The following AAMP variants were observed in gnomAD, a reference collection of about 807,000 sequenced individuals.
AAMP encodes angio associated migratory cell protein, also known as angio-associated migratory cell protein.
Under a neutral mutation model 51.1 loss-of-function variants are expected in AAMP, and 12 were observed. The ratio of observed to expected loss-of-function variants is 0.23; its 90% confidence interval spans 0.15 to 0.38. The LOEUF is 0.38. Among genes scored for constraint, AAMP ranks in the 10% least tolerant of loss-of-function variants. The pLI is 1.00. For synonymous variants in AAMP, 210 were observed against 218.7 expected (o/e 0.96, Z 0.35); for missense variants, 418 against 557.2 (o/e 0.75, Z 2.52).
At chr2:218,269,890 G>C in intron 1 of AAMP, 76 bp downstream of exon 1, 1 of 1,597,680 alleles carries the variant, frequency 6.3e-7, no homozygotes, top group East Asian at 2.2e-5. Flanking sequence ...GTGTGGAGGG[G>C]AGCGGGGAAA....
At chr2:218,268,694 CTTTTTTTT>C (rs150733595) in intron 2 of AAMP, among the ~76,000 whole-genome samples, 1 of 109,446 alleles carries the variant, frequency 9.1e-6, no homozygotes, top group Non-Finnish European at 1.9e-5. Context: ...TCAAAGATAA[CTTTTTTTT>C]TTTTTTTTTT....
At position 218,265,404 on chromosome 2, in the gene AAMP, A is replaced by G; in HGVS notation, c.1041T>C (p.Ala347=). 8.3e-6 allele frequency: 13 copies of G among 1,562,934 alleles called. No homozygotes were observed. Among genetic ancestry groups the G allele is most frequent in the Non-Finnish European group, 1.1e-5 (13 of 1,152,668 alleles). ...GACACTGATGCCTAAGAGTCTGCGT[A>G]GCCAGGTCATAGATGGCCAAGGTCC... ...LDGTLAIYDL[A]TQTLRHQCQH... is the part of the protein sequence containing the mutation. The change falls in exon 9 of 11, where the codon GCT becomes GCC. Residue 347 remains alanine (A), a synonymous_variant. Transcript: ENST00000248450. This position sits in a 1 kb window ranked among gnomAD's most constrained non-coding sequence, Gnocchi z 6.6.
chr2:218,264,527 C>CGG lies in AAMP; in HGVS notation c.*5_*6insCC, dbSNP rs1559491768. 6.2e-7 allele frequency: 1 copy of CGG among 1,613,812 alleles called. No homozygotes were observed. The highest frequency in any genetic ancestry group is 1.7e-4 in the Middle Eastern group (1 of 6,046). On this transcript the variant is annotated 3_prime_UTR_variant, in exon 11 of 11. Coordinates refer to ENST00000248450, the MANE Select transcript of AAMP (RefSeq NM_001087.5). ...ACACCAGACACACAGGCAGGGGCTG[C>CGG]AGCCATTAACGGTCAGGCCTTTGGA...
Position 218,266,984 on chromosome 2 carries a change from G to T in AAMP, c.397C>A (p.His133Asn). Residue 133 changes from histidine (H) to asparagine (N), a missense_variant and splice_region_variant, in exon 4 of 11, where the codon CAT (histidine) becomes AAT (asparagine). His to Asn is a moderately conservative substitution (Grantham distance 68). Transcript: ENST00000248450. This position sits in a 1 kb window ranked among gnomAD's most constrained non-coding sequence, Gnocchi z 4.7. Reference sequence around the variant, plus strand: ...CCAGCACAAGTCACAGAGTCTTTATGGCCTTCAAAGAAAAGTGGGCAGAAA... The same window carrying T: ...CCAGCACAAGTCACAGAGTCTTTATTGCCTTCAAAGAAAAGTGGGCAGAAA... Reference protein sequence around the residue: ...DGELLFECAGHKDSVTCAGFS... With the variant: ...DGELLFECAGNKDSVTCAGFS... 1.2e-6 allele frequency: 2 copies of T among 1,612,794 alleles called. No homozygotes were observed. The highest frequency in any genetic ancestry group is 1.7e-6 in the Non-Finnish European group (2 of 1,178,892).
Position 218,265,749 on chromosome 2 carries a change from G to C in AAMP, c.880-67C>G. 1 of 1,576,676 alleles carries C rather than the reference G, an allele frequency of 6.3e-7. No homozygotes were observed. Among genetic ancestry groups the C allele is most frequent in the Non-Finnish European group, 8.7e-7 (1 of 1,149,216 alleles). ...TGCTTGATGGAGAGAAAGACGGTGG[G>C]GAGAGGAGACAGTGAAGACCCAGGA... On this transcript the variant is annotated intron_variant, in intron 7 of 10. Coordinates refer to ENST00000248450, the MANE Select transcript of AAMP (RefSeq NM_001087.5). This position sits in a 1 kb window ranked among gnomAD's most constrained non-coding sequence, Gnocchi z 6.6.
chr2:218,266,856 T>A lies in AAMP; in HGVS notation c.525A>T (p.Gly175=), dbSNP rs1349777359. The A allele has an allele frequency of 6.2e-7, 1 of 1,613,962 alleles. No individual in the cohort carries two copies. The highest frequency in any genetic ancestry group is 1.3e-5 in the African/African-American group (1 of 74,896). Residue 175 remains glycine (G), a synonymous_variant, in exon 4 of 11, where the codon GGA becomes GGT. Coordinates refer to ENST00000248450, the MANE Select transcript of AAMP (RefSeq NM_001087.5). This position sits in a 1 kb window ranked among gnomAD's most constrained non-coding sequence, Gnocchi z 4.7. The part of the protein sequence containing the change: ...TKEEVWSFEA[G]DLEWMEWHPR... ...GCTCTGATGATCTTACCTCCAGGTC[T>A]CCCGCTTCAAAGGACCAGACCTCCT...
At position 218,264,484 on chromosome 2, in the gene AAMP, G is replaced by C. The variant is rs1690569766; in HGVS notation, c.*49C>G. On this transcript the variant is annotated 3_prime_UTR_variant, in exon 11 of 11. Coordinates refer to ENST00000248450, the MANE Select transcript of AAMP (RefSeq NM_001087.5). ...GCCTCTGCTGGCAGACAGGGGCAGGGGTCCCTTCGTCCCCTCAACACCAGA... is the reference window on the plus strand; with the variant it reads ...GCCTCTGCTGGCAGACAGGGGCAGGCGTCCCTTCGTCCCCTCAACACCAGA... The C allele has an allele frequency of 1.3e-6, 2 of 1,562,730 alleles. No homozygotes were observed. The highest frequency in any genetic ancestry group is 1.7e-5 in the Admixed American group (1 of 59,876).
Position 218,266,724 on chromosome 2 carries a change from T to C in AAMP, c.534+123A>G. 1.3e-6 allele frequency: 2 copies of C among 1,555,810 alleles called. No homozygotes were observed. Among genetic ancestry groups the C allele is most frequent in the South Asian group, 2.4e-5 (2 of 83,712 alleles). On this transcript the variant is annotated intron_variant, in intron 4 of 10. Coordinates refer to ENST00000248450, the MANE Select transcript of AAMP (RefSeq NM_001087.5). The surrounding 1 kb of genome is among the most constrained non-coding windows in gnomAD (Gnocchi z 4.7). ...CCAGGTAGCAGGTAGATATTCTTCC[T>C]GTGCCTTGGGGCGCATTGGCTCAGA...
chr2:218,269,702 G>T, intron 1 of AAMP, 168 bp from the exon 2 acceptor site: 2 of 1,211,680 alleles, frequency 1.7e-6, no homozygotes, highest in Non-Finnish European at 2.3e-6. Flanking sequence ...GGAGGCCACG[G>T]CTGGCCAGAG....
rs751047477 is a variant in AAMP at position 218,266,153 on chromosome 2, G to A, written c.680-6C>T. 2.5e-6 allele frequency: 4 copies of A among 1,613,524 alleles called. No individual in the cohort carries two copies. Among genetic ancestry groups the A allele is most frequent in the South Asian group, 2.2e-5 (2 of 91,046 alleles). On this transcript the variant is annotated splice_polypyrimidine_tract_variant and splice_region_variant and intron_variant, in intron 5 of 10. Transcript: ENST00000248450. The surrounding 1 kb of genome is among the most constrained non-coding windows in gnomAD (Gnocchi z 4.7). ...GCCTACCACAGCTCTCTTCCCTGAA[G>A]AGAGGCACAGATGAAGAGAGGGCAG...
chr2:218,267,490 T>G lies in AAMP; in HGVS notation c.394+4A>C. ...CTCCCAGGCCTCTACCCCAGCCCCC[T>G]CACCTGCACACTCAAAGAGCAGCTC... On this transcript the variant is annotated splice_donor_region_variant and intron_variant, in intron 3 of 10. Transcript: ENST00000248450. The surrounding 1 kb of genome is among the most constrained non-coding windows in gnomAD (Gnocchi z 4.6). 1 of 1,613,966 alleles carries G rather than the reference T, an allele frequency of 6.2e-7. No homozygotes were observed. Among genetic ancestry groups the G allele is most frequent in the Non-Finnish European group, 8.5e-7 (1 of 1,179,978 alleles).
Position 218,266,874 on chromosome 2 carries a change from G to A in AAMP, c.507C>T (p.Val169=), listed in dbSNP as rs781360937. 28 of 1,614,164 alleles carry A rather than the reference G, an allele frequency of 1.7e-5. No individual in the cohort carries two copies. Among genetic ancestry groups the A allele is most frequent in the Non-Finnish European group, 2.4e-5 (28 of 1,180,040 alleles). ...CCAGGTCTCCCGCTTCAAAGGACCA[G>A]ACCTCCTCCTTAGTGTCCACCTGCC... ...KVWQVDTKEE[V]WSFEAGDLEW... The change falls in exon 4 of 11, where the codon GTC becomes GTT. Residue 169 remains valine (V), a synonymous_variant. Transcript: ENST00000248450. The surrounding 1 kb of genome is among the most constrained non-coding windows in gnomAD (Gnocchi z 4.7).
Position 218,266,706 on chromosome 2 carries a change from GC to G in AAMP, c.535-120del. The G allele has an allele frequency of 6.5e-7, 1 of 1,546,310 alleles. No homozygotes were observed. Among genetic ancestry groups the G allele is most frequent in the South Asian group, 1.2e-5 (1 of 82,828 alleles). ...GGGTTCCGCGGGGACTTTCCAGGTA[GC>G]AGGTAGATATTCTTCCTGTGCCTTG... On this transcript the variant is annotated intron_variant, in intron 4 of 10. Coordinates refer to ENST00000248450, the MANE Select transcript of AAMP (RefSeq NM_001087.5). The surrounding 1 kb of genome is among the most constrained non-coding windows in gnomAD (Gnocchi z 4.7).
chr2:218,264,939 C>A, intron 10 of AAMP, 81 bp downstream of exon 10: 3 of 1,589,190 alleles, frequency 1.9e-6, no homozygotes, highest in Non-Finnish European at 1.7e-6. Context: ...CCTTCCCACA[C>A]CCCAAGGATC....
At chr2:218,269,662 G>C in intron 1 of AAMP, 128 bp from the exon 2 acceptor site, 3 of 1,495,338 alleles carry the variant, frequency 2.0e-6, no homozygotes, top group Non-Finnish European at 2.7e-6. Flanking sequence ...GACACACCGG[G>C]GTCCGCGGGG....
rs762133951 is a variant in AAMP at position 218,265,543 on chromosome 2, C to G, written c.983+36G>C. ...CGTCCTCCCGGGCCCCCAGCCCAGG[C>G]CCCTCCCACAAACCCCTTTCCCCAT... On this transcript the variant is annotated intron_variant, in intron 8 of 10. Transcript: ENST00000248450. The surrounding 1 kb of genome is among the most constrained non-coding windows in gnomAD (Gnocchi z 6.6). 2 of 1,596,466 alleles carry G rather than the reference C, an allele frequency of 1.3e-6. No homozygotes were observed. Among genetic ancestry groups the G allele is most frequent in the Non-Finnish European group, 1.7e-6 (2 of 1,164,188 alleles).
chr2:218,266,309 C>A lies in AAMP; in HGVS notation c.679+134G>T. The A allele has an allele frequency of 2.2e-6, 3 of 1,390,066 alleles. No individual in the cohort carries two copies. The highest frequency in any genetic ancestry group is 1.3e-5 in the South Asian group (1 of 75,758). The allele number at this position is 1,390,066 out of a possible 1,614,324, so 86.1% of individuals were successfully genotyped here. A position where few individuals can be genotyped will look rare whatever the true frequency, so the allele number is the denominator to read the frequency against. On this transcript the variant is annotated intron_variant, in intron 5 of 10. Transcript: ENST00000248450. The surrounding 1 kb of genome is among the most constrained non-coding windows in gnomAD (Gnocchi z 4.7). Reference sequence around the variant, plus strand: ...GAAGGAGGCGCTGTGAACTTTGGGGCCCAGGAGGTCAGCACTGCAAACAGC... The same window carrying A: ...GAAGGAGGCGCTGTGAACTTTGGGGACCAGGAGGTCAGCACTGCAAACAGC...
At chr2:218,268,850 T>C (rs1362759627) in intron 2 of AAMP, among the ~76,000 whole-genome samples, 1 of 151,510 alleles carries the variant, frequency 6.6e-6, no homozygotes, top group Admixed American at 6.6e-5. Context: ...AGGCGCCCGC[T>C]ACCACGCCCA....
chr2:218,264,686 C>G, intron 10 of AAMP, 78 bp from the exon 11 acceptor site: 1 of 1,255,928 alleles, frequency 8.0e-7, no homozygotes, highest in Non-Finnish European at 1.2e-6. Context: ...TGGGCTCCTC[C>G]AGCACACCCT....
Sources: allele counts gnomAD v4.1 joint callset (sites outside exome capture counted in the v4.1 genomes callset), GRCh38; gene constraint gnomAD v4.1.1; non-coding constraint Gnocchi (gnomAD v3.1); transcripts MANE v1.5; gene names NCBI Gene and HGNC (gene_info 2026-07-23, HGNC 2026-07-21).